Variants in TTC39B observed in about 807,000 individuals in gnomAD.
The protein encoded by TTC39B is tetratricopeptide repeat domain 39B, also known as tetratricopeptide repeat protein 39B.
Under a neutral mutation model 96.6 loss-of-function variants are expected in TTC39B, and 92 were observed. That is an observed-to-expected ratio of 0.95 (90% CI 0.80 to 1.13). TTC39B has a LOEUF of 1.13. Among genes scored for constraint, TTC39B ranks in the 50% most tolerant of loss-of-function variants. The probability of loss-of-function intolerance (pLI) is 0.00; values close to 1 mark genes in which losing one functional copy is unlikely to be tolerated. For synonymous variants in TTC39B, 367 were observed against 299.4 expected, an observed-to-expected ratio of 1.23 and a Z score of -2.33; for missense variants, 955 against 809.3, an observed-to-expected ratio of 1.18 and a Z score of -2.18.
intron 2 of TTC39B, among the ~76,000 whole-genome samples, chr9:15,257,816 T>C (rs1192461472): frequency 6.6e-6 from 1 of 151,758 alleles, no homozygotes; most frequent in Non-Finnish European, 1.5e-5. Context: ...TCCCAGCACT[T>C]TGGGAGTCCG....
At chr9:15,267,250 G>C (rs1823169250) in intron 2 of TTC39B, among the ~76,000 whole-genome samples, 1 of 152,180 alleles carries the variant, frequency 6.6e-6, no homozygotes, top group Non-Finnish European at 1.5e-5. Flanking sequence ...AATTATTGTT[G>C]ATTAAGCCAC....
chr9:15,268,093 G>A (rs184534686), intron 1 of TTC39B, 145 bp from the exon 2 acceptor site: 8 of 607,454 alleles, frequency 1.3e-5, no homozygotes, highest in Admixed American at 3.2e-5. Flanking sequence ...TCAACTTAAC[G>A]CTTATGGAAT....
chr9:15,251,720 T>TATATATATAC (rs1822558231), intron 2 of TTC39B, among the ~76,000 whole-genome samples: 1 of 122,992 alleles, frequency 8.1e-6, no homozygotes, highest in Non-Finnish European at 1.6e-5. Flanking sequence ...TATATATATA[T>TATATATATAC]ATATATATAT....
intron 2 of TTC39B, among the ~76,000 whole-genome samples, chr9:15,267,669 A>G (rs766896073): frequency 3.3e-5 from 5 of 152,240 alleles, no homozygotes; most frequent in African/African-American, 9.6e-5. Flanking sequence ...GCTATAAACA[A>G]ATACTTTGTT....
intron 1 of TTC39B, among the ~76,000 whole-genome samples, chr9:15,304,128 G>A (rs948895410): frequency 2.6e-5 from 4 of 152,062 alleles, no homozygotes; most frequent in African/African-American, 9.7e-5. Flanking sequence ...CAAGCCACAA[G>A]GCACCCAATG....
exon 5 of TTC39B, chr9:15,211,328 G>C: frequency 1.8e-5 from 28 of 1,595,380 alleles, no homozygotes; most frequent in Non-Finnish European, 2.3e-5. Context: ...CCTGTTGCTC[G>C]AAGGTCAGGA....
intron 2 of TTC39B, among the ~76,000 whole-genome samples, chr9:15,236,210 A>C (rs1432018127): frequency 2.0e-5 from 3 of 152,252 alleles, no homozygotes; most frequent in African/African-American, 7.2e-5. Flanking sequence ...ACTAACAGTA[A>C]AAAAAGACAA....
chr9:15,184,090 GAAC>G (rs1390477176), intron 16 of TTC39B, among the ~76,000 whole-genome samples: 4 of 151,888 alleles, frequency 2.6e-5, no homozygotes, highest in African/African-American at 7.3e-5. Context: ...GAAAGAATAT[GAAC>G]AACAATTTAC....
chr9:15,182,149 C>T (rs1818279262), intron 17 of TTC39B, among the ~76,000 whole-genome samples, 158 bp downstream of exon 17: 2 of 152,204 alleles, frequency 1.3e-5, no homozygotes, highest in African/African-American at 2.4e-5. Context: ...TATCATTCCT[C>T]CCTGCATTTG....
At chr9:15,233,072 G>T (rs1008997723) in intron 2 of TTC39B, among the ~76,000 whole-genome samples, 1 of 151,972 alleles carries the variant, frequency 6.6e-6, no homozygotes, top group Non-Finnish European at 1.5e-5. Context: ...ATCCTGTTGC[G>T]GACACCCAGC....
chr9:15,211,277 T>G (rs1586881753), exon 5 of TTC39B: 2 of 1,557,560 alleles, frequency 1.3e-6, no homozygotes. Flanking sequence ...TTTGGCAGGT[T>G]TGTAAAGCGT....
chr9:15,200,611 C>A (rs974718760), intron 7 of TTC39B, among the ~76,000 whole-genome samples: 11 of 152,206 alleles, frequency 7.2e-5, no homozygotes, highest in African/African-American at 2.7e-4. Context: ...CATCAAATAA[C>A]CACTTGAAGG....
chr9:15,195,734 C>G (rs1819128370), intron 8 of TTC39B, among the ~76,000 whole-genome samples: 1 of 149,754 alleles, frequency 6.7e-6, no homozygotes, highest in Non-Finnish European at 1.5e-5. Flanking sequence ...GAAGCTGTAG[C>G]AAGTTATCCA....
chr9:15,262,021 T>TA (rs1250024858), intron 2 of TTC39B, among the ~76,000 whole-genome samples: 1 of 152,234 alleles, frequency 6.6e-6, no homozygotes, highest in African/African-American at 2.4e-5. Flanking sequence ...AACAGGTCCT[T>TA]AAGAGGTCAC....
chr9:15,307,071 C>T lies in TTC39B; in HGVS notation c.240+13G>A. The T allele has an allele frequency of 6.2e-7, 1 of 1,609,360 alleles. No homozygotes were observed. Among genetic ancestry groups the T allele is most frequent in the African/African-American group, 1.3e-5 (1 of 74,960 alleles). ...CTTCAGGGGCCGGGCCCGCAATCCC[C>T]ATCGGATCGTACCTCGTCCGCTTCC... is the stretch of plus-strand genomic sequence containing the variant. On this transcript the variant is annotated intron_variant, in intron 1 of 19. Coordinates refer to ENST00000512701, the Ensembl canonical transcript of TTC39B.
chr9:15,252,832 C>G (rs1822612970), intron 2 of TTC39B, among the ~76,000 whole-genome samples: 2 of 152,134 alleles, frequency 1.3e-5, no homozygotes, highest in African/African-American at 4.8e-5. Context: ...TTCTAGTTTT[C>G]TGTAAATCTA....
In TTC39B at chr9:15,192,666, T is replaced by G. The variant is rs774157789; in HGVS notation, c.854A>C (p.Gln285Pro). The change falls in exon 9 of 20, where the codon CAG becomes CCG. Residue 285 changes from glutamine (Q) to proline (P), a missense_variant. Coordinates refer to ENST00000512701, the Ensembl canonical transcript of TTC39B. Reference sequence around the variant, plus strand: ...GAATTCCTGCTGAAGTTTGTTCTTCTGAATTTCATGCAGGATAGAAAGACA... The same window carrying G: ...GAATTCCTGCTGAAGTTTGTTCTTCGGAATTTCATGCAGGATAGAAAGACA... 3.1e-6 allele frequency: 5 copies of G among 1,614,060 alleles called. No individual in the cohort carries two copies. In the South Asian group the frequency reaches 5.5e-5, roughly 18 times the overall value.
At chr9:15,199,051 C>A (rs1819355182) in intron 8 of TTC39B, among the ~76,000 whole-genome samples, 6 of 152,130 alleles carry the variant, frequency 3.9e-5, no homozygotes, top group Admixed American at 3.9e-4. Flanking sequence ...ATATATGAGG[C>A]AAACACTGAC....
chr9:15,241,448 G>T (rs555530481), intron 2 of TTC39B, among the ~76,000 whole-genome samples: 1 of 152,074 alleles, frequency 6.6e-6, no homozygotes, highest in South Asian at 2.1e-4. Context: ...CATATTCCAG[G>T]CATGGTATCA....
Sources: allele counts gnomAD v4.1 joint callset (sites outside exome capture counted in the v4.1 genomes callset), GRCh38; gene constraint gnomAD v4.1.1; transcripts MANE v1.5; gene names NCBI Gene and HGNC (gene_info 2026-07-23, HGNC 2026-07-21).